TTF2: variants seen among roughly 807,000 people sequenced by gnomAD.
The protein encoded by TTF2 is transcription termination factor 2.
A neutral mutation model predicts 142.4 loss-of-function variants in TTF2; 108 were observed. That is an observed-to-expected ratio of 0.76 (90% CI 0.65 to 0.89). The LOEUF (loss-of-function observed/expected upper bound fraction) is 0.89. Ranked by LOEUF, TTF2 falls within the 40% of genes least tolerant of loss-of-function variation. The pLI, the probability that TTF2 is intolerant of heterozygous loss-of-function variation, is 0.00. For missense variants in TTF2, 1,327 were observed against 1,379.8 expected (o/e 0.96, Z 0.61); for synonymous variants, 483 against 506.2 (o/e 0.95, Z 0.61).
chr1:117,067,680 T>C (rs1656253670), intron 3 of TTF2, among the ~76,000 whole-genome samples: 1 of 152,166 alleles, frequency 6.6e-6, no homozygotes, highest in Non-Finnish European at 1.5e-5. Flanking sequence ...GATAAGTCTA[T>C]ATATGGATGA....
At position 117,081,826 on chromosome 1, in the gene TTF2, A is replaced by G; in HGVS notation, c.1784-2A>G. 1 of 1,610,782 alleles carries G rather than the reference A, an allele frequency of 6.2e-7. No individual in the cohort carries two copies. The highest frequency in any genetic ancestry group is 1.3e-5 in the African/African-American group (1 of 74,726). Reference sequence around the variant, plus strand: ...TCTCTTAATTTTGCTTTTATTTTCTAGCAGATGATATGGGCTTAGGAAAAA... The same window carrying G: ...TCTCTTAATTTTGCTTTTATTTTCTGGCAGATGATATGGGCTTAGGAAAAA... On this transcript the variant is annotated splice_acceptor_variant, in intron 9 of 22. Transcript: ENST00000369466. LOFTEE classifies it high-confidence loss of function.
At chr1:117,060,766 G>C (rs1161469619) in intron 2 of TTF2, among the ~76,000 whole-genome samples, 1 of 152,184 alleles carries the variant, frequency 6.6e-6, no homozygotes, top group Non-Finnish European at 1.5e-5. Flanking sequence ...CCCGAGGCTG[G>C]TTACCCCCCT....
At position 117,079,708 on chromosome 1, in the gene TTF2, C is replaced by A; in HGVS notation, c.1783+59C>A. On this transcript the variant is annotated intron_variant, in intron 9 of 22. Coordinates refer to ENST00000369466, the MANE Select transcript of TTF2 (RefSeq NM_003594.4). The surrounding 1 kb of genome is among the most constrained non-coding windows in gnomAD (Gnocchi z 4.2). ...GAATGCTTAGGCATTGTGCTAAACACGTAGTGTTGTTTCATTTATTCCTCT... is the reference window on the plus strand; with the variant it reads ...GAATGCTTAGGCATTGTGCTAAACAAGTAGTGTTGTTTCATTTATTCCTCT... 6.7e-7 allele frequency: 1 copy of A among 1,495,050 alleles called. No individual in the cohort carries two copies. The highest frequency in any genetic ancestry group is 9.3e-7 in the Non-Finnish European group (1 of 1,071,568). 92.6% of individuals were successfully genotyped at this position (1,495,050 alleles called of 1,614,324 possible).
In TTF2 at chr1:117,062,433, C is replaced by T. The variant is rs1655759188; in HGVS notation, c.178C>T (p.Leu60Phe). The T allele has an allele frequency of 4.3e-6, 7 of 1,613,104 alleles. No individual in the cohort carries two copies. The highest frequency in any genetic ancestry group is 5.9e-6 in the Non-Finnish European group (7 of 1,179,862). The stretch of plus-strand genomic sequence containing the variant: ...ATTGCATGAGGACTTTGTGGTAGAG[C>T]TTCAGGGTTTGCTTCTGCCACAGGA... ...CLLHEDFVVE[L>F]QGLLLPQDKK... The change falls in exon 3 of 23, where the codon CTT (leucine) becomes TTT (phenylalanine). Residue 60 changes from leucine (L) to phenylalanine (F), a missense_variant. Transcript: ENST00000369466.
chr1:117,098,720 A>C, intron 21 of TTF2, 113 bp from the exon 22 acceptor site: 6 of 862,566 alleles, frequency 7.0e-6, no homozygotes, highest in Non-Finnish European at 9.2e-6. Context: ...AAACTGTAAC[A>C]ATAATTTTTA....
In TTF2 at chr1:117,091,861, G is replaced by A; in HGVS notation, c.2716G>A (p.Ala906Thr). 1 of 1,612,504 alleles carries A rather than the reference G, an allele frequency of 6.2e-7. No homozygotes were observed. The highest frequency in any genetic ancestry group is 8.5e-7 in the Non-Finnish European group (1 of 1,179,450). The change falls in exon 17 of 23, where the codon GCA becomes ACA. Residue 906 changes from alanine to threonine, a missense_variant. Ala to Thr is a moderately conservative substitution (Grantham distance 58, BLOSUM62 0). Coordinates refer to ENST00000369466, the MANE Select transcript of TTF2 (RefSeq NM_003594.4). ...TGAGGAGCCTAGACACTCGGAGGCA[G>A]CAGACTCACCGAGATCCAGCACCGT... ...GSEEPRHSEA[A>T]DSPRSSTVHI...
In TTF2 at chr1:117,101,633, A is replaced by C; in HGVS notation, c.*109A>C. 8.1e-6 allele frequency: 10 copies of C among 1,235,638 alleles called. No homozygotes were observed. The highest frequency in any genetic ancestry group is 1.1e-5 in the Non-Finnish European group (10 of 942,924). The allele number at this position is 1,235,638 out of a possible 1,614,324, so 76.5% of individuals were successfully genotyped here. A position where few individuals can be genotyped will look rare whatever the true frequency, so the allele number is the denominator to read the frequency against. The stretch of plus-strand genomic sequence containing the variant: ...ACTCTGTTCTTTGCATTTCAATTTC[A>C]CCGTCAAGCCTTTCACCTTCCTCAA... On this transcript the variant is annotated 3_prime_UTR_variant, in exon 23 of 23. Coordinates refer to ENST00000369466, the MANE Select transcript of TTF2 (RefSeq NM_003594.4). The surrounding 1 kb of genome is among the most constrained non-coding windows in gnomAD (Gnocchi z 5.9).
chr1:117,097,469 A>C lies in TTF2; in HGVS notation c.3269+36A>C. 1 of 1,600,252 alleles carries C rather than the reference A, an allele frequency of 6.2e-7. No homozygotes were observed. Among genetic ancestry groups the C allele is most frequent in the Non-Finnish European group, 8.6e-7 (1 of 1,167,246 alleles). On this transcript the variant is annotated intron_variant, in intron 21 of 22. Transcript: ENST00000369466. The surrounding 1 kb of genome is among the most constrained non-coding windows in gnomAD (Gnocchi z 4.1). Reference sequence around the variant, plus strand: ...CGGATTTGTCCTGGGTTGTCACAGCACATCAAGGAGGCCAGTGGGCTACAG... The same window carrying C: ...CGGATTTGTCCTGGGTTGTCACAGCCCATCAAGGAGGCCAGTGGGCTACAG...
In TTF2 at chr1:117,102,980, G is replaced by A. The variant is rs1235883386; in HGVS notation, c.*1456G>A. On this transcript the variant is annotated 3_prime_UTR_variant, in exon 23 of 23. Coordinates refer to ENST00000369466, the MANE Select transcript of TTF2 (RefSeq NM_003594.4). ...ACGGGGTCCATATCAATGGACTGTG[G>A]AGAGAAGCGATTGATGTAAGTCACT... 2.6e-5 allele frequency: 4 copies of A among 152,218 alleles called. No individual in the cohort carries two copies. Among genetic ancestry groups the A allele is most frequent in the Non-Finnish European group, 5.9e-5 (4 of 68,042 alleles). The allele number at this position is 152,218 out of a possible 1,614,324, so 9.4% of individuals were successfully genotyped here. A position where few individuals can be genotyped will look rare whatever the true frequency, so the allele number is the denominator to read the frequency against.
In TTF2 at chr1:117,093,980, T is replaced by C. The variant is rs554114159; in HGVS notation, c.2976+1079T>C. ...CAAAACACCATGGCTAGCTTTTTCA[T>C]GTGGGAGTCACAGCGCCTTCCACAA... On this transcript the variant is annotated intron_variant, in intron 18 of 22. Transcript: ENST00000369466. The surrounding 1 kb of genome is among the most constrained non-coding windows in gnomAD (Gnocchi z 4.5). Among the ~76,000 whole-genome samples, 1 of 152,320 alleles carries C rather than the reference T, an allele frequency of 6.6e-6. No homozygotes were observed. The highest frequency in any genetic ancestry group is 1.9e-4 in the East Asian group (1 of 5,184).
chr1:117,060,544 G>T lies in TTF2; in HGVS notation c.118G>T (p.Val40Leu). 9 of 1,611,122 alleles carry T rather than the reference G, an allele frequency of 5.6e-6. No individual in the cohort carries two copies. Among genetic ancestry groups the T allele is most frequent in the Non-Finnish European group, 7.6e-6 (9 of 1,178,290 alleles). The change falls in exon 2 of 23, where the codon GTG becomes TTG. Residue 40 changes from valine to leucine, a missense_variant. By Grantham distance (32) the Val-to-Leu change is conservative. Transcript: ENST00000369466. ...YVCRADTCSF[V>L]RATDIPVSHC... Reference sequence around the variant, plus strand: ...GTGCCGGGCAGACACGTGCAGCTTCGTGCGGGCCACCGAGTAGGTCTGGAG... The same window carrying T: ...GTGCCGGGCAGACACGTGCAGCTTCTTGCGGGCCACCGAGTAGGTCTGGAG...
rs922612676 is a variant in TTF2 at position 117,087,440 on chromosome 1, C to T, written c.2160+918C>T. Among the ~76,000 whole-genome samples, 4 of 152,102 alleles carry T rather than the reference C, an allele frequency of 2.6e-5. No homozygotes were observed. Among genetic ancestry groups the T allele is most frequent in the African/African-American group, 9.7e-5 (4 of 41,406 alleles). On this transcript the variant is annotated intron_variant, in intron 12 of 22. Coordinates refer to ENST00000369466, the MANE Select transcript of TTF2 (RefSeq NM_003594.4). This position sits in a 1 kb window ranked among gnomAD's most constrained non-coding sequence, Gnocchi z 4.8. ...CCAAGTAGCTGGGATAACAGGTGCC[C>T]GCCACTATGCTCGGCTAATTTTTTG...
rs1478004368 is a variant in TTF2 at position 117,093,551 on chromosome 1, T to A, written c.2976+650T>A. Among the ~76,000 whole-genome samples the A allele has an allele frequency of 1.3e-5, 2 of 152,146 alleles. No homozygotes were observed. The highest frequency in any genetic ancestry group is 3.8e-4 in the East Asian group (2 of 5,196). ...TGCCGTTCTTGGGCTCAACCTCTCT[T>A]CAAAGGCTTTTTTTGAAAAAGTGTA... On this transcript the variant is annotated intron_variant, in intron 18 of 22. Transcript: ENST00000369466. The surrounding 1 kb of genome is among the most constrained non-coding windows in gnomAD (Gnocchi z 4.5).
Position 117,076,939 on chromosome 1 carries a change from CA to C in TTF2, c.1573+123del. 2.2e-5 allele frequency: 20 copies of C among 926,584 alleles called. No homozygotes were observed. Among genetic ancestry groups the C allele is most frequent in the South Asian group, 5.9e-5 (3 of 50,704 alleles). The allele number at this position is 926,584 out of a possible 1,614,324, so 57.4% of individuals were successfully genotyped here. A position where few individuals can be genotyped will look rare whatever the true frequency, so the allele number is the denominator to read the frequency against. On this transcript the variant is annotated intron_variant, in intron 7 of 22. Transcript: ENST00000369466. This position sits in a 1 kb window ranked among gnomAD's most constrained non-coding sequence, Gnocchi z 4.6. ...CAGTTAACCTTAGTCACCTGTGGTTCAAAAAAAGGTGAGTACAGTACAGTAA... is the reference window on the plus strand; with the variant it reads ...CAGTTAACCTTAGTCACCTGTGGTTCAAAAAAGGTGAGTACAGTACAGTAA...
chr1:117,082,113 G>A, intron 10 of TTF2, 166 bp downstream of exon 10: 1 of 1,054,264 alleles, frequency 9.5e-7, no homozygotes. Context: ...TGCTGAGTAT[G>A]CTAATTATAA....
At chr1:117,074,790 G>C in intron 4 of TTF2, 80 bp from the exon 5 acceptor site, 1 of 1,319,548 alleles carries the variant, frequency 7.6e-7, no homozygotes, top group Non-Finnish European at 1.0e-6. Context: ...TAAAATAAAA[G>C]TTGAGATGAA....
In TTF2 at chr1:117,060,332, G is replaced by C. The variant is rs200495096; in HGVS notation, c.-15G>C. ...TTGGGGGCGGGGCTTTGTGGAACTT[G>C]GGGGACCCAGCGAAATGGAAGAAGT... is the stretch of plus-strand genomic sequence containing the variant. On this transcript the variant is annotated 5_prime_UTR_variant, in exon 1 of 23. Coordinates refer to ENST00000369466, the MANE Select transcript of TTF2 (RefSeq NM_003594.4). The C allele has an allele frequency of 6.5e-5, 103 of 1,595,432 alleles. No homozygotes were observed. The highest frequency in any genetic ancestry group is 7.5e-5 in the Non-Finnish European group (88 of 1,171,376).
rs1051428601 is a variant in TTF2, at chr1:117,063,301, G to C, written c.218+828G>C. On this transcript the variant is annotated intron_variant, in intron 3 of 22. Coordinates refer to ENST00000369466, the MANE Select transcript of TTF2 (RefSeq NM_003594.4). The surrounding 1 kb of genome is among the most constrained non-coding windows in gnomAD (Gnocchi z 4.1). Reference sequence around the variant, plus strand: ...ACAAGTCTTAAGATTTCAACCAGTTGAGTTTTGAGAATGCATGTACCTGCT... The same window carrying C: ...ACAAGTCTTAAGATTTCAACCAGTTCAGTTTTGAGAATGCATGTACCTGCT... 2.0e-5 allele frequency among the ~76,000 whole-genome samples: 3 copies of C among 152,050 alleles called. No homozygotes were observed. The highest frequency in any genetic ancestry group is 2.9e-5 in the Non-Finnish European group (2 of 68,010).
chr1:117,073,619 G>T lies in TTF2; in HGVS notation c.219-42G>T, dbSNP rs767306214. 6.4e-7 allele frequency: 1 copy of T among 1,555,202 alleles called. No homozygotes were observed. Among genetic ancestry groups the T allele is most frequent in the Non-Finnish European group, 8.8e-7 (1 of 1,136,504 alleles). ...AATAAGCTTATCTCTTGTTCTAATG[G>T]ATTTTCATAGCCTTGATTATTTGTG... On this transcript the variant is annotated intron_variant, in intron 3 of 22. Transcript: ENST00000369466. This position sits in a 1 kb window ranked among gnomAD's most constrained non-coding sequence, Gnocchi z 4.4.
Sources: allele counts gnomAD v4.1 joint callset (sites outside exome capture counted in the v4.1 genomes callset), GRCh38; gene constraint gnomAD v4.1.1; non-coding constraint Gnocchi (gnomAD v3.1); transcripts MANE v1.5; gene names NCBI Gene and HGNC (gene_info 2026-07-23, HGNC 2026-07-21).